The following NRXN1 variants were observed in gnomAD, a reference collection of about 807,000 sequenced individuals.
NRXN1 encodes neurexin 1, also known as neurexin-1.
A neutral mutation model predicts 150.9 loss-of-function variants in NRXN1; 39 were observed. That is an observed-to-expected ratio of 0.26 (90% CI 0.20 to 0.34). The LOEUF (loss-of-function observed/expected upper bound fraction) is 0.34. Ranked by LOEUF, NRXN1 falls within the 10% of genes least tolerant of loss-of-function variation. The probability of loss-of-function intolerance (pLI) is 1.00; values close to 1 mark genes in which losing one functional copy is unlikely to be tolerated. For synonymous variants in NRXN1, 924 were observed against 757.0 expected (o/e 1.22, Z -3.62); for missense variants, 1,815 against 1,949.9 (o/e 0.93, Z 1.30).
chr2:50,139,614 A>G (rs1451340542), intron 18 of NRXN1, among the ~76,000 whole-genome samples: 1 of 152,090 alleles, frequency 6.6e-6, no homozygotes, highest in East Asian at 1.9e-4. Flanking sequence ...AACAAAACAA[A>G]ACAAAACAAA....
At chr2:50,322,076 C>A (rs2076082408) in intron 17 of NRXN1, among the ~76,000 whole-genome samples, 1 of 150,610 alleles carries the variant, frequency 6.6e-6, no homozygotes. Context: ...GCACTTCAAG[C>A]CTGAAATGGA....
chr2:50,433,395 T>C (rs973409154), intron 17 of NRXN1, among the ~76,000 whole-genome samples: 1 of 152,216 alleles, frequency 6.6e-6, no homozygotes, highest in African/African-American at 2.4e-5. Flanking sequence ...GTATGTTCTG[T>C]ACTCAGCTAT....
chr2:50,321,789 C>T (rs1213395027), intron 17 of NRXN1, among the ~76,000 whole-genome samples: 2 of 151,970 alleles, frequency 1.3e-5, no homozygotes, highest in Non-Finnish European at 2.9e-5. Context: ...CTACATTGCA[C>T]TCCATTCTAA....
chr2:50,103,097 T>A (rs1701184135), intron 18 of NRXN1, among the ~76,000 whole-genome samples: 1 of 152,102 alleles, frequency 6.6e-6, no homozygotes, highest in Non-Finnish European at 1.5e-5. Flanking sequence ...TTCCTAAGTG[T>A]CATTCATCAA....
At chr2:50,573,573 T>C (rs970755090) in intron 8 of NRXN1, among the ~76,000 whole-genome samples, 47 of 152,030 alleles carry the variant, frequency 3.1e-4, no homozygotes, top group African/African-American at 1.1e-3. Flanking sequence ...AACAATCAAA[T>C]ATGATATTTT....
intron 2 of NRXN1, among the ~76,000 whole-genome samples, chr2:50,965,955 A>G (rs1694004465): frequency 6.6e-6 from 1 of 151,358 alleles, no homozygotes; most frequent in African/African-American, 2.4e-5. Context: ...CTACTTTTTC[A>G]TGTTATGTTG....
At chr2:50,122,768 T>C (rs1704044022) in intron 18 of NRXN1, among the ~76,000 whole-genome samples, 1 of 152,226 alleles carries the variant, frequency 6.6e-6, no homozygotes, top group African/African-American at 2.4e-5. Flanking sequence ...TATACTTTTT[T>C]CCAAATGCTC....
rs79368981 is a variant in NRXN1 at position 50,535,803 on chromosome 2, A to C, written c.2143+2450T>G. On this transcript the variant is annotated intron_variant, in intron 10 of 22. Coordinates refer to ENST00000401669, the MANE Select transcript of NRXN1 (RefSeq NM_001330078.2). ...TCCTTAGGCATGATAAACATCTCCTATAATGCAATTGCAACATAATTTTTC... is the reference window on the plus strand; with the variant it reads ...TCCTTAGGCATGATAAACATCTCCTCTAATGCAATTGCAACATAATTTTTC... Among the ~76,000 whole-genome samples the C allele has an allele frequency of 5.6e-3, 854 of 152,284 alleles. 6 individuals carry two copies. The highest frequency in any genetic ancestry group is 0.02 in the African/African-American group (818 of 41,574).
chr2:50,404,540 G>A (rs1181629853), intron 17 of NRXN1, among the ~76,000 whole-genome samples: 1 of 151,994 alleles, frequency 6.6e-6, no homozygotes, highest in Non-Finnish European at 1.5e-5. Flanking sequence ...CAGGACCCAG[G>A]TACCTTTCTG....
chr2:50,929,106 A>G (rs1016466056), intron 2 of NRXN1, among the ~76,000 whole-genome samples: 1 of 152,056 alleles, frequency 6.6e-6, no homozygotes, highest in African/African-American at 2.4e-5. Flanking sequence ...TTTTAAAATC[A>G]CTGTAAAAGA....
rs1164571867 is a variant in NRXN1, at chr2:50,572,590, T to A, written c.1321-19565A>T. Among the ~76,000 whole-genome samples, 4 of 152,280 alleles carry A rather than the reference T, an allele frequency of 2.6e-5. No homozygotes were observed. The East Asian group carries it at 5.8e-4, about 22-fold the overall frequency. ...GTTATATCAATTCTCTGATGTAGGC[T>A]TTTTCTATCCCCATTTTCAGATATC... On this transcript the variant is annotated intron_variant, in intron 8 of 22. Transcript: ENST00000401669.
intron 17 of NRXN1, among the ~76,000 whole-genome samples, chr2:50,320,312 A>G (rs1457464583): frequency 2.4e-5 from 3 of 125,372 alleles, no homozygotes; most frequent in African/African-American, 9.5e-5. Context: ...ATATATATAT[A>G]TATATATATA....
chr2:50,338,006 A>C (rs1256746093), intron 17 of NRXN1, among the ~76,000 whole-genome samples: 1 of 152,242 alleles, frequency 6.6e-6, no homozygotes, highest in Non-Finnish European at 1.5e-5. Flanking sequence ...GTTATGGCAC[A>C]AAACGTTATC....
intron 15 of NRXN1, among the ~76,000 whole-genome samples, chr2:50,474,404 G>A (rs2089794165): frequency 6.6e-6 from 1 of 151,812 alleles, no homozygotes; most frequent in South Asian, 2.1e-4. Context: ...GAACCTAGTT[G>A]TGCAAGTACA....
At chr2:50,909,265 T>C (rs1335495379) in intron 5 of NRXN1, among the ~76,000 whole-genome samples, 1 of 151,982 alleles carries the variant, frequency 6.6e-6, no homozygotes, top group East Asian at 1.9e-4. Flanking sequence ...CTTAAAACAT[T>C]ATGACTTTAT....
chr2:50,996,768 C>G (rs1699360509), intron 2 of NRXN1, among the ~76,000 whole-genome samples: 1 of 151,992 alleles, frequency 6.6e-6, no homozygotes, highest in South Asian at 2.1e-4. Flanking sequence ...AACAGCCACT[C>G]TAACCTCCTT....
Position 50,893,569 on chromosome 2 carries a change from T to C in NRXN1, c.832+28300A>G, listed in dbSNP as rs937128863. 5.9e-5 allele frequency among the ~76,000 whole-genome samples: 9 copies of C among 152,186 alleles called. No individual in the cohort carries two copies. In the East Asian group the frequency reaches 1.7e-3, roughly 29 times the overall value. On this transcript the variant is annotated intron_variant, in intron 5 of 22. Transcript: ENST00000401669. The stretch of plus-strand genomic sequence containing the variant: ...TGATATTTGAGATGTCCCCATGTCA[T>C]ATAACTCAAGTGTCGGTGCAGGACA...
At chr2:50,512,114 C>T (rs959217925) in intron 12 of NRXN1, among the ~76,000 whole-genome samples, 8 of 152,082 alleles carry the variant, frequency 5.3e-5, no homozygotes, top group Admixed American at 2.0e-4. Context: ...CAACTTCAAA[C>T]TATTGTCATT....
intron 19 of NRXN1, among the ~76,000 whole-genome samples, chr2:50,078,529 CA>C (rs1305024102): frequency 1.3e-5 from 2 of 151,864 alleles, no homozygotes; most frequent in Non-Finnish European, 2.9e-5. Flanking sequence ...TTTGTTTTAC[CA>C]GTTTTCAACT....
Sources: allele counts gnomAD v4.1 joint callset (sites outside exome capture counted in the v4.1 genomes callset), GRCh38; gene constraint gnomAD v4.1.1; transcripts MANE v1.5; gene names NCBI Gene and HGNC (gene_info 2026-07-23, HGNC 2026-07-21).